The following MPZL1 variants were observed in gnomAD, a reference collection of about 807,000 sequenced individuals.
MPZL1 encodes the protein myelin protein zero like 1.
Under a neutral mutation model 29.3 loss-of-function variants are expected in MPZL1, and 16 were observed. The observed-to-expected ratio is 0.55, with a 90% CI of 0.37 to 0.83. The LOEUF is 0.83. Among genes scored for constraint, MPZL1 ranks in the 40% least tolerant of loss-of-function variants. MPZL1 has a pLI of 0.00. For missense variants in MPZL1, 279 were observed against 332.9 expected (o/e 0.84, Z 1.26); for synonymous variants, 143 against 132.0 (o/e 1.08, Z -0.57).
intron 1 of MPZL1, among the ~76,000 whole-genome samples, chr1:167,761,118 A>G (rs1248775822): frequency 6.6e-6 from 1 of 152,188 alleles, no homozygotes; most frequent in East Asian, 1.9e-4. Flanking sequence ...ATGAAAGCCT[A>G]AATTGGATTT....
intron 1 of MPZL1, among the ~76,000 whole-genome samples, chr1:167,725,229 G>A (rs1312103841): frequency 6.6e-6 from 1 of 152,066 alleles, no homozygotes; most frequent in Non-Finnish European, 1.5e-5. Flanking sequence ...TAGCCTTTTA[G>A]TCAAAGTCAC....
chr1:167,753,786 C>T (rs1270988735), intron 1 of MPZL1, among the ~76,000 whole-genome samples: 2 of 151,970 alleles, frequency 1.3e-5, no homozygotes, highest in African/African-American at 2.4e-5. Context: ...CCCGCCATCA[C>T]GCCGGGCTAA....
chr1:167,745,484 A>G (rs1302620037), intron 1 of MPZL1, among the ~76,000 whole-genome samples: 1 of 151,884 alleles, frequency 6.6e-6, no homozygotes, highest in African/African-American at 2.4e-5. Flanking sequence ...TAACATCTCT[A>G]TTTTGTTTGG....
At chr1:167,753,486 A>G (rs928115570) in intron 1 of MPZL1, among the ~76,000 whole-genome samples, 1 of 152,214 alleles carries the variant, frequency 6.6e-6, no homozygotes, top group African/African-American at 2.4e-5. Context: ...CAGTAAACAT[A>G]TCTCGAAAGT....
At chr1:167,747,795 G>T (rs756925488) in intron 1 of MPZL1, among the ~76,000 whole-genome samples, 1 of 151,982 alleles carries the variant, frequency 6.6e-6, no homozygotes, top group Non-Finnish European at 1.5e-5. Flanking sequence ...ACCCATTTCA[G>T]TTGGGATTCA....
intron 1 of MPZL1, among the ~76,000 whole-genome samples, chr1:167,741,325 A>C (rs1660519742): frequency 1.5e-5 from 2 of 134,558 alleles, no homozygotes; most frequent in African/African-American, 2.8e-5. Flanking sequence ...TCTAGCCTGC[A>C]GTCACTTTTT....
intron 1 of MPZL1, 69 bp from the exon 2 acceptor site, chr1:167,765,514 C>T: frequency 1.5e-6 from 2 of 1,368,674 alleles, no homozygotes; most frequent in Non-Finnish European, 2.0e-6. Context: ...CTTTTCTTGT[C>T]TGGCAAAAAT....
chr1:167,738,166 C>T (rs773648647), intron 1 of MPZL1, among the ~76,000 whole-genome samples: 48 of 152,066 alleles, frequency 3.2e-4, no homozygotes, highest in Non-Finnish European at 6.3e-4. Context: ...CCTCGTGATC[C>T]GCCCGCCTCG....
chr1:167,742,576 C>T (rs1170058619), intron 1 of MPZL1, among the ~76,000 whole-genome samples: 1 of 152,118 alleles, frequency 6.6e-6, no homozygotes, highest in Non-Finnish European at 1.5e-5. Context: ...GATTTTCTCT[C>T]ACTCTGTGGG....
intron 1 of MPZL1, among the ~76,000 whole-genome samples, chr1:167,728,226 G>A (rs1660192700): frequency 6.6e-6 from 1 of 151,738 alleles, no homozygotes; most frequent in Non-Finnish European, 1.5e-5. Context: ...ATTTTTAGTA[G>A]TGATGGAATT....
chr1:167,746,213 A>G (rs1339566347), intron 1 of MPZL1, among the ~76,000 whole-genome samples: 2 of 152,012 alleles, frequency 1.3e-5, no homozygotes, highest in African/African-American at 4.8e-5. Context: ...AGGCATTCAG[A>G]CTGAGAGATA....
intron 1 of MPZL1, among the ~76,000 whole-genome samples, chr1:167,750,311 C>G (rs2101766928): frequency 1.3e-5 from 2 of 151,898 alleles, no homozygotes; most frequent in Admixed American, 1.3e-4. Context: ...AGCAATTCTC[C>G]TGTCTCAGCC....
At chr1:167,732,789 G>A (rs1208033674) in intron 1 of MPZL1, among the ~76,000 whole-genome samples, 1 of 152,142 alleles carries the variant, frequency 6.6e-6, no homozygotes, top group Admixed American at 6.5e-5. Flanking sequence ...GCTAATTTTT[G>A]TAGAGATGGG....
At chr1:167,751,046 A>G (rs566491573) in intron 1 of MPZL1, among the ~76,000 whole-genome samples, 2 of 152,346 alleles carry the variant, frequency 1.3e-5, no homozygotes, top group African/African-American at 4.8e-5. Context: ...CTAAGGAGAA[A>G]GGTGCTGCTT....
intron 1 of MPZL1, among the ~76,000 whole-genome samples, chr1:167,733,978 C>T (rs569575226): frequency 1.3e-5 from 2 of 151,820 alleles, no homozygotes; most frequent in African/African-American, 2.4e-5. Flanking sequence ...CACTGTAGGC[C>T]GGGTGCGGTG....
At chr1:167,727,435 GCTCT>G (rs780715017) in intron 1 of MPZL1, among the ~76,000 whole-genome samples, 11 of 152,182 alleles carry the variant, frequency 7.2e-5, no homozygotes, top group Non-Finnish European at 1.5e-4. Flanking sequence ...TTTTAATCTT[GCTCT>G]CTAAGACCAC....
At chr1:167,782,691 A>C (rs1372545807) in intron 5 of MPZL1, among the ~76,000 whole-genome samples, 1 of 152,184 alleles carries the variant, frequency 6.6e-6, no homozygotes, top group Non-Finnish European at 1.5e-5. Flanking sequence ...GATGTGATTA[A>C]ATTGCCTTGA....
Position 167,791,324 on chromosome 1 carries a change from A to G in MPZL1, c.*3403A>G, listed in dbSNP as rs1661710852. The G allele has an allele frequency of 6.6e-6, 1 of 152,222 alleles. No individual in the cohort carries two copies. Among genetic ancestry groups the G allele is most frequent in the Admixed American group, 6.5e-5 (1 of 15,284 alleles). 9.4% of individuals were successfully genotyped at this position (152,222 alleles called of 1,614,324 possible). ...AGGTGGAAGCATTCATCCATTCAGC[A>G]ACCTACACTGAGAACAATCCTGTGC... On this transcript the variant is annotated 3_prime_UTR_variant, in exon 6 of 6. Transcript: ENST00000359523.
intron 5 of MPZL1, among the ~76,000 whole-genome samples, chr1:167,786,824 G>T (rs1661603453): frequency 6.6e-6 from 1 of 152,232 alleles, no homozygotes; most frequent in South Asian, 2.1e-4. Flanking sequence ...ACTTCTCAAG[G>T]AGAGTTCCCC....
Sources: gnomAD v4.1 joint callset for allele counts (sites outside exome capture counted in the v4.1 genomes callset) on GRCh38, gnomAD v4.1.1 for gene constraint, MANE v1.5 for transcripts, NCBI Gene and HGNC (gene_info 2026-07-23, HGNC 2026-07-21) for gene names.